The following FGF13 variants were observed in gnomAD, a reference collection of about 807,000 sequenced individuals.
FGF13 encodes the protein fibroblast growth factor 13.
A neutral mutation model predicts 19.5 loss-of-function variants in FGF13; 2 were observed. That is an observed-to-expected ratio of 0.10 (90% CI 0.04 to 0.32). The LOEUF (loss-of-function observed/expected upper bound fraction) is 0.32, where lower values mean the gene tolerates loss of function less well. FGF13 is among the 10% of genes least tolerant of loss of function. FGF13 has a pLI of 1.00. For synonymous variants in FGF13, 72 were observed against 76.9 expected (o/e 0.94, Z 0.33); for missense variants, 113 against 192.7 (o/e 0.59, Z 2.45).
At chrX:139,125,387 C>T (rs1032720338) in intron 1 of FGF13, among the ~76,000 whole-genome samples, 1 of 111,999 alleles carries the variant, frequency 8.9e-6, no homozygotes, top group African/African-American at 3.2e-5. Flanking sequence ...TGTAGTGTTC[C>T]ACCTGCCATT....
downstream of FGF13, among the ~76,000 whole-genome samples, chrX:138,855,994 T>TGTGTGTG (rs1569412173): frequency 2.1e-3 from 214 of 100,824 alleles, no homozygotes; most frequent in African/African-American, 8.2e-3. Flanking sequence ...GTGTGTGTGT[T>TGTGTGTG]TATAATTTTT....
At chrX:138,968,763 G>A (rs2091904532) in intron 1 of FGF13, among the ~76,000 whole-genome samples, 1 of 112,130 alleles carries the variant, frequency 8.9e-6, no homozygotes, top group Non-Finnish European at 1.9e-5. Context: ...TTCTGAAAGA[G>A]GACTAGGCAA....
chrX:138,969,212 T>C (rs1332973137), intron 1 of FGF13, among the ~76,000 whole-genome samples: 1 of 111,188 alleles, frequency 9.0e-6, no homozygotes, highest in African/African-American at 3.3e-5. Context: ...GTAGTATAGG[T>C]AGTAGGAAAG....
At chrX:138,794,797 A>C (rs940655131) in intron 3 of FGF13, among the ~76,000 whole-genome samples, 1 of 111,960 alleles carries the variant, frequency 8.9e-6, no homozygotes, top group African/African-American at 3.3e-5. Flanking sequence ...ACTGTTACCA[A>C]GTCACAGGTT....
intron 1 of FGF13, among the ~76,000 whole-genome samples, chrX:139,177,889 T>C (rs1450420157): frequency 1.8e-5 from 2 of 112,117 alleles, no homozygotes; most frequent in Non-Finnish European, 1.9e-5. Flanking sequence ...GGTCTGCGGG[T>C]TGCAAAGACC....
intron 3 of FGF13, among the ~76,000 whole-genome samples, chrX:138,648,665 G>A (rs754441793): frequency 9.0e-6 from 1 of 110,780 alleles, no homozygotes; most frequent in African/African-American, 3.3e-5. Flanking sequence ...TGCAGTTCTC[G>A]AACATCCCAG....
intron 3 of FGF13, among the ~76,000 whole-genome samples, chrX:138,825,782 A>T (rs2091030297): frequency 8.9e-6 from 1 of 112,215 alleles, no homozygotes; most frequent in African/African-American, 3.2e-5. Flanking sequence ...CTCTTAGCTC[A>T]TGAAGATAAG....
intron 1 of FGF13, among the ~76,000 whole-genome samples, chrX:139,072,472 T>C (rs1028735423): frequency 1.8e-5 from 2 of 111,751 alleles, no homozygotes; most frequent in East Asian, 2.8e-4. Flanking sequence ...AGATGTGGTA[T>C]TTTGTTATGA....
intron 1 of FGF13, among the ~76,000 whole-genome samples, chrX:139,112,658 C>T (rs1309465273): frequency 1.8e-5 from 2 of 111,782 alleles, no homozygotes; most frequent in Admixed American, 9.5e-5. Context: ...CAAGCTGCTT[C>T]GCTTTACCAG....
intron 1 of FGF13, among the ~76,000 whole-genome samples, chrX:138,963,538 A>G (rs759676492): frequency 8.9e-6 from 1 of 112,028 alleles, no homozygotes; most frequent in East Asian, 2.8e-4. Flanking sequence ...TGTCAGACTT[A>G]TTTGCTATGC....
chrX:138,793,187 G>A (rs2090754914), intron 3 of FGF13, among the ~76,000 whole-genome samples: 1 of 111,365 alleles, frequency 9.0e-6, no homozygotes, highest in African/African-American at 3.3e-5. Context: ...CTTCTAGAGA[G>A]AGTGCCCTGG....
intron 3 of FGF13, among the ~76,000 whole-genome samples, chrX:138,670,794 C>G (rs901270558): frequency 7.2e-5 from 8 of 111,731 alleles, no homozygotes; most frequent in African/African-American, 2.6e-4. Context: ...TACATGTAAA[C>G]AACTGAAACA....
intron 3 of FGF13, among the ~76,000 whole-genome samples, chrX:138,659,721 T>G (rs1283513519): frequency 1.8e-5 from 2 of 112,005 alleles, no homozygotes; most frequent in Non-Finnish European, 3.8e-5. Flanking sequence ...TGGAATACTA[T>G]GCAGCCATAA....
chrX:138,629,209 A>G lies in FGF13; in HGVS notation c.*3641T>C, dbSNP rs1396615467. The G allele has an allele frequency of 1.8e-5, 2 of 112,402 alleles. No homozygotes were observed. Among genetic ancestry groups the G allele is most frequent in the East Asian group, 5.6e-4 (2 of 3,563 alleles). 9.3% of individuals were successfully genotyped at this position (112,402 alleles called of 1,213,427 possible). ...GCTTGAGGACTACCACTCTACTGCA[A>G]TGTTAATAGACGCTCCATGAAAATG... On this transcript the variant is annotated 3_prime_UTR_variant, in exon 5 of 5. Transcript: ENST00000315930.
chrX:138,683,778 A>T (rs1432034835), intron 3 of FGF13, among the ~76,000 whole-genome samples: 1 of 111,931 alleles, frequency 8.9e-6, no homozygotes, highest in East Asian at 2.8e-4. Flanking sequence ...AGGAAATGTG[A>T]CATTTTCCAT....
At chrX:139,004,206 C>T (rs1036957114) in intron 1 of FGF13, among the ~76,000 whole-genome samples, 4 of 112,826 alleles carry the variant, frequency 3.5e-5, no homozygotes, top group South Asian at 7.2e-4. Flanking sequence ...AGAAATCGAG[C>T]GCAGCGCCGG....
chrX:139,068,874 A>C (rs1449351704), intron 1 of FGF13, among the ~76,000 whole-genome samples: 40 of 111,414 alleles, frequency 3.6e-4, no homozygotes, highest in Non-Finnish European at 6.6e-4. Flanking sequence ...GCTCATCATC[A>C]CTGGCCATCA....
At chrX:138,679,099 G>T (rs1344400413) in intron 3 of FGF13, among the ~76,000 whole-genome samples, 2 of 111,401 alleles carry the variant, frequency 1.8e-5, no homozygotes, top group Admixed American at 9.5e-5. Context: ...TAGAGGCAGG[G>T]TCTCACTCTA....
At chrX:138,917,676 G>T (rs1295137194) in intron 1 of FGF13, among the ~76,000 whole-genome samples, 1 of 112,144 alleles carries the variant, frequency 8.9e-6, no homozygotes, top group African/African-American at 3.2e-5. Flanking sequence ...GATTATCAAA[G>T]TGTGTTCTTT....
Sources: gnomAD v4.1 joint callset for allele counts (sites outside exome capture counted in the v4.1 genomes callset) on GRCh38, gnomAD v4.1.1 for gene constraint, MANE v1.5 for transcripts, NCBI Gene and HGNC (gene_info 2026-07-23, HGNC 2026-07-21) for gene names.